Variants in NR5A2 observed in about 807,000 individuals in gnomAD.
NR5A2 encodes the protein nuclear receptor subfamily 5 group A member 2, also known as CYP7A promoter-binding factor.
NR5A2 carries 26 observed loss-of-function variants against 62.7 expected under a neutral mutation model. The ratio of observed to expected loss-of-function variants is 0.41; its 90% CI spans 0.30 to 0.58. NR5A2 has a LOEUF of 0.58. Ranked by LOEUF, NR5A2 falls within the 20% of genes least tolerant of loss-of-function variation. The pLI, the probability that NR5A2 is intolerant of heterozygous loss-of-function variation, is 0.22. For missense variants in NR5A2, 541 were observed against 669.1 expected, an observed-to-expected ratio of 0.81 and a Z score of 2.11; for synonymous variants, 246 against 241.7, an observed-to-expected ratio of 1.02 and a Z score of -0.16.
rs758810789 is a variant in NR5A2, at chr1:200,048,470, C to T, written c.762C>T (p.Ser254=). 1.2e-6 allele frequency: 2 copies of T among 1,614,090 alleles called. No individual in the cohort carries two copies. Among genetic ancestry groups the T allele is most frequent in the African/African-American group, 1.3e-5 (1 of 74,926 alleles). ...PISMTMPPHG[S]LQGYQTYGHF... is the part of the protein sequence containing the mutation. Reference sequence around the variant, plus strand: ...GCATGACAATGCCCCCTCACGGCAGCCTGCAAGGTTACCAAACATATGGCC... The same window carrying T: ...GCATGACAATGCCCCCTCACGGCAGTCTGCAAGGTTACCAAACATATGGCC... Residue 254 remains serine (S), a synonymous_variant, in exon 5 of 8, where the codon AGC becomes AGT. Transcript: ENST00000367362. The surrounding 1 kb of genome is among the most constrained non-coding windows in gnomAD (Gnocchi z 4.8).
chr1:200,107,110 CGT>C (rs1193563240), intron 5 of NR5A2, among the ~76,000 whole-genome samples: 1 of 152,086 alleles, frequency 6.6e-6, no homozygotes, highest in Non-Finnish European at 1.5e-5. Context: ...CTGCAGGGCA[CGT>C]GTGAGAAGGG....
At chr1:200,061,927 CAT>C (rs1397829256) in intron 5 of NR5A2, among the ~76,000 whole-genome samples, 4 of 152,236 alleles carry the variant, frequency 2.6e-5, no homozygotes, top group Non-Finnish European at 4.4e-5. Context: ...AAATTAAAAA[CAT>C]ATTTTTATGG....
chr1:200,088,732 T>C (rs956694778), intron 5 of NR5A2, among the ~76,000 whole-genome samples: 2 of 152,218 alleles, frequency 1.3e-5, no homozygotes, highest in African/African-American at 4.8e-5. Flanking sequence ...CTCTTCTTTT[T>C]GGTGTTAACA....
chr1:200,073,700 C>CCA (rs750209004), intron 5 of NR5A2, among the ~76,000 whole-genome samples: 19 of 150,724 alleles, frequency 1.3e-4, no homozygotes, highest in Admixed American at 2.7e-4. Context: ...CACACACACA[C>CCA]CACACACACA....
At chr1:200,053,398 C>CT (rs1662749768) in intron 5 of NR5A2, among the ~76,000 whole-genome samples, 1 of 152,148 alleles carries the variant, frequency 6.6e-6, no homozygotes, top group South Asian at 2.1e-4. Flanking sequence ...GAAGAGATCA[C>CT]TGAGATCATT....
intron 5 of NR5A2, among the ~76,000 whole-genome samples, chr1:200,052,667 A>G (rs1662692109): frequency 6.6e-6 from 1 of 150,642 alleles, no homozygotes; most frequent in South Asian, 2.1e-4. Context: ...TTTGAGACGG[A>G]GTCTTGCTTT....
At chr1:200,170,236 G>A (rs1571589253) in intron 7 of NR5A2, among the ~76,000 whole-genome samples, 2 of 152,188 alleles carry the variant, frequency 1.3e-5, no homozygotes, top group Middle Eastern at 6.8e-3. Flanking sequence ...ATTTTTATTG[G>A]AGGGACATTC....
Position 200,079,547 on chromosome 1 carries a change from G to A in NR5A2, c.1110+30729G>A, listed in dbSNP as rs181981495. Among the ~76,000 whole-genome samples, 3 of 152,220 alleles carry A rather than the reference G, an allele frequency of 2.0e-5. No individual in the cohort carries two copies. The East Asian group carries it at 5.8e-4, about 29-fold the overall frequency. ...ATATATGGGCCTGGGGCCTAAAACG[G>A]GCATTGGCTTTCAAAGATATATTAT... On this transcript the variant is annotated intron_variant, in intron 5 of 7. Transcript: ENST00000367362.
intron 1 of NR5A2, among the ~76,000 whole-genome samples, chr1:200,034,783 C>CTTTTTTTTTTTTTTTTTTTTTT (rs767393832): frequency 1.4e-5 from 1 of 71,286 alleles, no homozygotes; most frequent in African/African-American, 5.3e-5. Context: ...AGCAGAAAGG[C>CTTTTTTTTTTTTTTTTTTTTTT]TTTTTTTTTT....
chr1:200,089,509 C>T (rs576509568), intron 5 of NR5A2, among the ~76,000 whole-genome samples: 84 of 152,186 alleles, frequency 5.5e-4, no homozygotes, highest in Middle Eastern at 3.4e-3. Context: ...CACACTCTGT[C>T]GCCCAGGATG....
intron 1 of NR5A2, among the ~76,000 whole-genome samples, chr1:200,032,709 A>T (rs1391557826): frequency 1.3e-5 from 2 of 152,170 alleles, no homozygotes; most frequent in Admixed American, 1.3e-4. Flanking sequence ...CTTTCCTGGC[A>T]CTGTCTCATT....
At chr1:200,083,148 T>C (rs898026165) in intron 5 of NR5A2, among the ~76,000 whole-genome samples, 1 of 152,196 alleles carries the variant, frequency 6.6e-6, no homozygotes, top group Admixed American at 6.5e-5. Context: ...CAATGTAAAG[T>C]AGTTTTGAGA....
chr1:200,088,375 C>T (rs12131072), intron 5 of NR5A2, among the ~76,000 whole-genome samples: 37,266 of 151,866 alleles, frequency 0.25, 4,834 homozygotes, highest in Middle Eastern at 0.36. Flanking sequence ...CTCCTGCCTC[C>T]GCCTCCTGAG....
At chr1:200,125,301 T>G (rs897878756) in intron 7 of NR5A2, among the ~76,000 whole-genome samples, 4 of 152,254 alleles carry the variant, frequency 2.6e-5, no homozygotes, top group Admixed American at 6.5e-5. Flanking sequence ...TTCTTGGCAT[T>G]GATACAATCC....
chr1:200,078,937 T>C (rs1331115243), intron 5 of NR5A2, among the ~76,000 whole-genome samples: 1 of 152,250 alleles, frequency 6.6e-6, no homozygotes, highest in Non-Finnish European at 1.5e-5. Flanking sequence ...CTCACTTTTA[T>C]GTTTTTCAAT....
Position 200,074,736 on chromosome 1 carries a change from C to CAA in NR5A2, c.1110+25937_1110+25938dup, listed in dbSNP as rs199556915. On this transcript the variant is annotated intron_variant, in intron 5 of 7. Coordinates refer to ENST00000367362, the MANE Select transcript of NR5A2 (RefSeq NM_205860.3). ...TGGGCGACAGGGCGAGAGTCCATCT[C>CAA]AAAAAAAAAAAAAAAAAAAACACGA... Among the ~76,000 whole-genome samples the CAA allele has an allele frequency of 6.5e-4, 44 of 67,476 alleles. 1 individual carries two copies. The highest frequency in any genetic ancestry group is 7.8e-4 in the Non-Finnish European group (29 of 37,300). 44.3% of individuals were successfully genotyped at this position (67,476 alleles called of 152,430 possible).
At position 200,139,423 on chromosome 1, in the gene NR5A2, T is replaced by C. The variant is rs188462246; in HGVS notation, c.1378+18468T>C. On this transcript the variant is annotated intron_variant, in intron 7 of 7. Transcript: ENST00000367362. ...TGTGATAACAGGTACTCTTGTCTTA[T>C]TTCAGTCTTTTATAGGAATCATTCT... Among the ~76,000 whole-genome samples the C allele has an allele frequency of 2.6e-3, 397 of 152,352 alleles. 1 individual carries two copies. Among genetic ancestry groups the C allele is most frequent in the African/African-American group, 9.2e-3 (382 of 41,586 alleles).
chr1:200,074,213 GTTTA>G (rs1277645845), intron 5 of NR5A2, among the ~76,000 whole-genome samples: 1 of 152,022 alleles, frequency 6.6e-6, no homozygotes, highest in Non-Finnish European at 1.5e-5. Context: ...TTGATTGCCT[GTTTA>G]TTAATGTTTT....
chr1:200,176,499 A>C lies in NR5A2; in HGVS notation c.*2289A>C, dbSNP rs1654427553. ...TCATTGCCCTCCCCAGCTGAAAAAC[A>C]AGTTGGCTAGAAGATACATGGAGAG... On this transcript the variant is annotated 3_prime_UTR_variant, in exon 8 of 8. Transcript: ENST00000367362. 1 of 152,346 alleles carries C rather than the reference A, an allele frequency of 6.6e-6. No homozygotes were observed. The highest frequency in any genetic ancestry group is 2.1e-4 in the South Asian group (1 of 4,824). 9.4% of individuals were successfully genotyped at this position (152,346 alleles called of 1,614,324 possible).
Sources: allele counts gnomAD v4.1 joint callset (sites outside exome capture counted in the v4.1 genomes callset), GRCh38; gene constraint gnomAD v4.1.1; non-coding constraint Gnocchi (gnomAD v3.1); transcripts MANE v1.5; gene names NCBI Gene and HGNC (gene_info 2026-07-23, HGNC 2026-07-21).